IPPK: variants seen among roughly 807,000 people sequenced by gnomAD.
IPPK encodes the protein inositol-pentakisphosphate 2-kinase, also known as IPK1 homolog.
A neutral mutation model predicts 64.6 loss-of-function variants in IPPK; 22 were observed. That is an observed-to-expected ratio of 0.34 (90% CI 0.24 to 0.49). The LOEUF (loss-of-function observed/expected upper bound fraction) is 0.49, where lower values mean the gene tolerates loss of function less well. Among genes scored for constraint, IPPK ranks in the 20% least tolerant of loss-of-function variants. IPPK has a pLI of 0.99. For missense variants in IPPK, 532 were observed against 630.7 expected (o/e 0.84, Z 1.68); for synonymous variants, 262 against 247.2 (o/e 1.06, Z -0.56).
chr9:92,648,628 C>T (rs960777981), intron 5 of IPPK, among the ~76,000 whole-genome samples: 3 of 152,220 alleles, frequency 2.0e-5, no homozygotes, highest in Non-Finnish European at 2.9e-5. Context: ...ATACACCACA[C>T]GCAGGCCTGT....
intron 12 of IPPK, 182 bp downstream of exon 12, chr9:92,619,304 A>G (rs1322901856): frequency 3.5e-6 from 2 of 577,756 alleles, no homozygotes; most frequent in South Asian, 2.2e-5. Flanking sequence ...TTTTGACTGA[A>G]TTACAAGCTT....
Position 92,659,637 on chromosome 9 carries a change from C to T in IPPK, c.82-956G>A, listed in dbSNP as rs185441327. Reference sequence around the variant, plus strand: ...CCAATGCCCTGGGAAGCGCCCCTGCCGAGGCCACAGGGCAAAGCCTAAGCA... The same window carrying T: ...CCAATGCCCTGGGAAGCGCCCCTGCTGAGGCCACAGGGCAAAGCCTAAGCA... On this transcript the variant is annotated intron_variant, in intron 1 of 12. Transcript: ENST00000287996. 2.0e-3 allele frequency among the ~76,000 whole-genome samples: 311 copies of T among 152,198 alleles called. 3 individuals carry two copies. Among genetic ancestry groups the T allele is most frequent in the African/African-American group, 7.1e-3 (293 of 41,532 alleles).
chr9:92,617,774 G>C, intron 12 of IPPK: 1 of 177,096 alleles, frequency 5.6e-6, no homozygotes, highest in Non-Finnish European at 1.2e-5. Flanking sequence ...AGGAGCATCA[G>C]GGTTTAGGCC....
At chr9:92,666,536 G>C (rs1852600756) in intron 1 of IPPK, among the ~76,000 whole-genome samples, 1 of 152,162 alleles carries the variant, frequency 6.6e-6, no homozygotes, top group African/African-American at 2.4e-5. Context: ...CACAGGGTCA[G>C]TGTCTGGAGC....
At chr9:92,657,304 G>A (rs920946364) in intron 2 of IPPK, among the ~76,000 whole-genome samples, 1 of 151,884 alleles carries the variant, frequency 6.6e-6, no homozygotes, top group South Asian at 2.1e-4. Flanking sequence ...AGCCGAGACC[G>A]TGCCACTGCA....
chr9:92,648,298 G>A (rs1440226372), intron 5 of IPPK, 150 bp from the exon 6 acceptor site: 2 of 637,472 alleles, frequency 3.1e-6, no homozygotes, highest in Non-Finnish European at 5.5e-6. Flanking sequence ...CCTCCCAGCG[G>A]GAACAACACT....
rs769778548 is a variant in IPPK, at chr9:92,616,126, TCC to T, written c.1251-71_1251-70del. ...TCATTTCCCTCCCTCCCGTTCTCTCTCCCTTTCTTCTTTCAACTAGTATGTTT... is the reference window on the plus strand; with the variant it reads ...TCATTTCCCTCCCTCCCGTTCTCTCTCTTTCTTCTTTCAACTAGTATGTTT... On this transcript the variant is annotated intron_variant, in intron 12 of 12. Transcript: ENST00000287996. 44 of 1,049,786 alleles carry T rather than the reference TCC, an allele frequency of 4.2e-5. No individual in the cohort carries two copies. In the East Asian group the frequency reaches 7.1e-4, roughly 17 times the overall value. The allele number at this position is 1,049,786 out of a possible 1,614,324, so 65.0% of individuals were successfully genotyped here. A position where few individuals can be genotyped will look rare whatever the true frequency, so the allele number is the denominator to read the frequency against.
chr9:92,669,781 G>C, intron 1 of IPPK, 127 bp downstream of exon 1: 1 of 652,820 alleles, frequency 1.5e-6, no homozygotes, highest in Non-Finnish European at 2.7e-6. Context: ...TCCGGAGACC[G>C]GCCGGGGAGG....
intron 11 of IPPK, 143 bp from the exon 12 acceptor site, chr9:92,619,708 G>A (rs1851564473): frequency 4.1e-6 from 3 of 731,212 alleles, no homozygotes; most frequent in Admixed American, 2.1e-5. Flanking sequence ...GCCACGGTGA[G>A]CACGGGCGTC....
intron 11 of IPPK, among the ~76,000 whole-genome samples, chr9:92,626,078 A>G (rs549503988): frequency 6.6e-6 from 1 of 152,352 alleles, no homozygotes; most frequent in South Asian, 2.1e-4. Context: ...CAAACCAAAT[A>G]GAATTTTCAG....
In IPPK at chr9:92,638,094, T is replaced by G; in HGVS notation, c.823A>C (p.Lys275Gln). The change falls in exon 9 of 13, where the codon AAG becomes CAG. Residue 275 changes from lysine (K) to glutamine (Q), a missense_variant. Physicochemically the swap from Lys to Gln is moderately conservative, Grantham distance 53. Transcript: ENST00000287996. Reference sequence around the variant, plus strand: ...GGACTCAGGGTGCCTGCCCGGCCCTTGTCCGAGCCACTCAGCAGCACCCGT... The same window carrying G: ...GGACTCAGGGTGCCTGCCCGGCCCTGGTCCGAGCCACTCAGCAGCACCCGT... ...ITRVLLSGSD[K>Q]GRAGTLSPGL... 6.2e-7 allele frequency: 1 copy of G among 1,613,762 alleles called. No homozygotes were observed. The highest frequency in any genetic ancestry group is 8.5e-7 in the Non-Finnish European group (1 of 1,179,900).
chr9:92,636,873 G>A (rs965037048), intron 9 of IPPK, among the ~76,000 whole-genome samples: 1 of 152,066 alleles, frequency 6.6e-6, no homozygotes, highest in Non-Finnish European at 1.5e-5. Context: ...GGTGCCCCCA[G>A]ACCACCTCAG....
At chr9:92,616,249 G>A (rs955740635) in intron 12 of IPPK, 192 bp from the exon 13 acceptor site, 5 of 543,970 alleles carry the variant, frequency 9.2e-6, no homozygotes, top group Admixed American at 6.3e-5. Context: ...AAGAGCACTC[G>A]TTCTGTGCAC....
Position 92,635,052 on chromosome 9 carries a change from T to C in IPPK, c.1067+106A>G. The stretch of plus-strand genomic sequence containing the variant: ...GGACTGGGGTAGGAAGTGGCCGGCA[T>C]GCTTCATCCTCCTGGGAAGCTGTGC... On this transcript the variant is annotated intron_variant, in intron 10 of 12. Coordinates refer to ENST00000287996, the MANE Select transcript of IPPK (RefSeq NM_022755.6). The surrounding 1 kb of genome is among the most constrained non-coding windows in gnomAD (Gnocchi z 4.4). 1 of 1,141,506 alleles carries C rather than the reference T, an allele frequency of 8.8e-7. No individual in the cohort carries two copies. Among genetic ancestry groups the C allele is most frequent in the South Asian group, 1.7e-5 (1 of 59,652 alleles). 70.7% of individuals were successfully genotyped at this position (1,141,506 alleles called of 1,614,324 possible).
At chr9:92,667,450 T>A (rs1213473673) in intron 1 of IPPK, among the ~76,000 whole-genome samples, 1 of 152,226 alleles carries the variant, frequency 6.6e-6, no homozygotes, top group African/African-American at 2.4e-5. Context: ...AGGGCAGAGC[T>A]GGTGGGCTAG....
chr9:92,652,662 CTCAG>C (rs1415039604), intron 3 of IPPK, 23 bp from the exon 4 acceptor site: 1 of 1,429,334 alleles, frequency 7.0e-7, no homozygotes, highest in Non-Finnish European at 9.7e-7. Context: ...ACATGAAATT[CTCAG>C]TGTGAATTGC....
At position 92,668,236 on chromosome 9, in the gene IPPK, C is replaced by T. The variant is rs71496408; in HGVS notation, c.81+1672G>A. ...TGAGCCGAGATCGCGCCACTGCACT[C>T]CAGCCTGGGCAACAGAGTGAGACCC... On this transcript the variant is annotated intron_variant, in intron 1 of 12. Coordinates refer to ENST00000287996, the MANE Select transcript of IPPK (RefSeq NM_022755.6). 3.3e-5 allele frequency among the ~76,000 whole-genome samples: 5 copies of T among 152,120 alleles called. No individual in the cohort carries two copies. In the South Asian group the frequency reaches 1.0e-3, roughly 32 times the overall value.
intron 12 of IPPK, chr9:92,617,963 T>G: frequency 3.0e-6 from 1 of 333,656 alleles, no homozygotes; most frequent in South Asian, 2.4e-5. Context: ...GGTCAATCTA[T>G]CTGTGAGCTG....
At chr9:92,616,337 C>A in intron 12 of IPPK, 1 of 360,574 alleles carries the variant, frequency 2.8e-6, no homozygotes, top group Non-Finnish European at 5.1e-6. Context: ...CCAGTGCACC[C>A]CACCATACCA....
Sources: gnomAD v4.1 joint callset for allele counts (sites outside exome capture counted in the v4.1 genomes callset) on GRCh38, gnomAD v4.1.1 for gene constraint, Gnocchi (gnomAD v3.1) non-coding constraint, MANE v1.5 for transcripts, NCBI Gene and HGNC (gene_info 2026-07-23, HGNC 2026-07-21) for gene names.